The following ADAM19 variants were observed in gnomAD, a reference collection of about 807,000 sequenced individuals.
ADAM19 encodes the protein ADAM metallopeptidase domain 19.
A neutral mutation model predicts 114.7 loss-of-function variants in ADAM19; 65 were observed. The ratio of observed to expected loss-of-function variants is 0.57; its 90% CI spans 0.46 to 0.70. The LOEUF is 0.70. Among genes scored for constraint, ADAM19 ranks in the 30% least tolerant of loss-of-function variants. ADAM19 has a pLI of 0.00. For missense variants in ADAM19, 1,063 were observed against 1,204.7 expected, an observed-to-expected ratio of 0.88 and a Z score of 1.74; for synonymous variants, 466 against 460.5, an observed-to-expected ratio of 1.01 and a Z score of -0.15.
At chr5:157,528,626 C>G (rs1039289016) in intron 5 of ADAM19, among the ~76,000 whole-genome samples, 2 of 152,182 alleles carry the variant, frequency 1.3e-5, no homozygotes, top group Admixed American at 1.3e-4. Context: ...CCAGCCAACT[C>G]ACCATGCAGC....
chr5:157,546,280 C>T (rs17054709), intron 3 of ADAM19, among the ~76,000 whole-genome samples: 13,171 of 152,258 alleles, frequency 0.087, 727 homozygotes, highest in East Asian at 0.24. Context: ...GCTGTCTACA[C>T]AGTTATGGAG....
At chr5:157,547,294 G>C (rs1262529739) in intron 3 of ADAM19, among the ~76,000 whole-genome samples, 1 of 152,206 alleles carries the variant, frequency 6.6e-6, no homozygotes, top group Non-Finnish European at 1.5e-5. Flanking sequence ...TCCAGGGACA[G>C]ACACCACCAT....
intron 16 of ADAM19, 25 bp downstream of exon 16, chr5:157,492,948 T>C (rs758907205): frequency 1.2e-6 from 2 of 1,612,592 alleles, no homozygotes; most frequent in Non-Finnish European, 1.7e-6. Context: ...AGCTGGCTCC[T>C]AGGTGAGCAG....
At position 157,535,569 on chromosome 5, in the gene ADAM19, T is replaced by C. The variant is rs147090542; in HGVS notation, c.330+2344A>G. Among the ~76,000 whole-genome samples, 476 of 152,324 alleles carry C rather than the reference T, an allele frequency of 3.1e-3. 3 individuals are homozygous for C. Among genetic ancestry groups the C allele is most frequent in the African/African-American group, 0.011 (445 of 41,570 alleles). On this transcript the variant is annotated intron_variant, in intron 4 of 22. Transcript: ENST00000257527. ...AACAATGAGTTGTCCATCCCAAGGT[T>C]CAGCTAGGATGTGCTTCAGTCAACA...
At chr5:157,555,282 T>C (rs1415748712) in intron 3 of ADAM19, among the ~76,000 whole-genome samples, 2 of 152,148 alleles carry the variant, frequency 1.3e-5, no homozygotes, top group African/African-American at 4.8e-5. Context: ...CCCATATAAA[T>C]ACCACAGTAC....
At chr5:157,520,607 C>T (rs1475563214) in intron 5 of ADAM19, among the ~76,000 whole-genome samples, 1 of 152,164 alleles carries the variant, frequency 6.6e-6, no homozygotes, top group Non-Finnish European at 1.5e-5. Context: ...TCTCTCCAAG[C>T]GTCAGTTTCC....
At chr5:157,509,214 C>T in intron 9 of ADAM19, 87 bp downstream of exon 9, 5 of 1,393,914 alleles carry the variant, frequency 3.6e-6, no homozygotes, top group Non-Finnish European at 2.9e-6. Flanking sequence ...AACCAACACT[C>T]GCCATGGGGC....
Position 157,502,784 on chromosome 5 carries a change from C to CACCATTGT in ADAM19, c.1308+11_1308+18dup. ...ATGCAAATTCTTCCCCTCCCACTAG[C>CACCATTGT]ACCATTGTGACCCCTCACCTCTTCT... On this transcript the variant is annotated intron_variant, in intron 12 of 22. Transcript: ENST00000257527. 2 of 1,610,794 alleles carry CACCATTGT rather than the reference C, an allele frequency of 1.2e-6. No homozygotes were observed. Among genetic ancestry groups the CACCATTGT allele is most frequent in the Non-Finnish European group, 1.7e-6 (2 of 1,177,218 alleles).
At chr5:157,542,768 G>A (rs533500342) in intron 3 of ADAM19, among the ~76,000 whole-genome samples, 1 of 152,338 alleles carries the variant, frequency 6.6e-6, no homozygotes, top group Admixed American at 6.5e-5. Context: ...TTGCACCACT[G>A]CACTCCAGCC....
intron 18 of ADAM19, 66 bp from the exon 19 acceptor site, chr5:157,490,520 G>A: frequency 1.9e-6 from 3 of 1,556,624 alleles, no homozygotes; most frequent in Non-Finnish European, 2.6e-6. Flanking sequence ...TTTCAAAATA[G>A]GTATTCGTGC....
Position 157,514,326 on chromosome 5 carries a change from C to CTT in ADAM19, c.667-823_667-822dup, listed in dbSNP as rs200826711. ...AGACTGCATCGATTCAATCACATTT[C>CTT]TTTCTTTTTTTTTTTTTTTTGAGAC... On this transcript the variant is annotated intron_variant, in intron 7 of 22. Coordinates refer to ENST00000257527, the MANE Select transcript of ADAM19 (RefSeq NM_033274.5). 1.3e-3 allele frequency among the ~76,000 whole-genome samples: 185 copies of CTT among 141,692 alleles called. 5 individuals carry two copies. Among genetic ancestry groups the CTT allele is most frequent in the African/African-American group, 4.8e-3 (178 of 37,284 alleles). The allele number at this position is 141,692 out of a possible 152,430, so 93.0% of individuals were successfully genotyped here. A position where few individuals can be genotyped will look rare whatever the true frequency, so the allele number is the denominator to read the frequency against.
intron 1 of ADAM19, among the ~76,000 whole-genome samples, chr5:157,574,523 G>A (rs1376154813): frequency 6.6e-6 from 1 of 152,114 alleles, no homozygotes; most frequent in East Asian, 1.9e-4. Context: ...CTGGGTTTGA[G>A]GCGGCCCGGG....
In ADAM19 at chr5:157,554,887, A is replaced by C. The variant is rs1273054527; in HGVS notation, c.251+9486T>G. 2.6e-5 allele frequency among the ~76,000 whole-genome samples: 4 copies of C among 152,214 alleles called. No individual in the cohort carries two copies. The East Asian group carries it at 5.8e-4, about 22-fold the overall frequency. ...CAAAGCTTACACCTCCAGGTAGTGC[A>C]AGGAGCCAAGCTTGGGATGCACACC... is the stretch of plus-strand genomic sequence containing the variant. On this transcript the variant is annotated intron_variant, in intron 3 of 22. Coordinates refer to ENST00000257527, the MANE Select transcript of ADAM19 (RefSeq NM_033274.5).
chr5:157,548,373 A>C (rs1212432315), intron 3 of ADAM19, among the ~76,000 whole-genome samples: 2 of 152,232 alleles, frequency 1.3e-5, no homozygotes, highest in Non-Finnish European at 2.9e-5. Flanking sequence ...ACCAGGACCT[A>C]TCCCAGTGCC....
intron 5 of ADAM19, among the ~76,000 whole-genome samples, chr5:157,521,553 T>C (rs1394769301): frequency 6.6e-6 from 1 of 152,232 alleles, no homozygotes; most frequent in Non-Finnish European, 1.5e-5. Context: ...CGCCAGGCTC[T>C]GATGGGCAGC....
intron 9 of ADAM19, 137 bp downstream of exon 9, chr5:157,509,164 G>T (rs1385420736): frequency 2.4e-6 from 2 of 818,852 alleles, no homozygotes; most frequent in Middle Eastern, 3.6e-4. Context: ...TTTAGGAAAT[G>T]CCTGATTCTC....
chr5:157,537,210 G>C (rs1756792255), intron 4 of ADAM19, among the ~76,000 whole-genome samples: 1 of 152,184 alleles, frequency 6.6e-6, no homozygotes, highest in African/African-American at 2.4e-5. Context: ...TCAACGTTCT[G>C]AGCCTACAAA....
intron 3 of ADAM19, among the ~76,000 whole-genome samples, chr5:157,558,306 T>C (rs150403042): frequency 1.2e-4 from 18 of 152,356 alleles, no homozygotes; most frequent in Non-Finnish European, 2.4e-4. Context: ...CCTCAGCACC[T>C]GTCTCCCCGG....
chr5:157,489,448 C>G (rs1258198768), intron 19 of ADAM19, among the ~76,000 whole-genome samples: 1 of 152,186 alleles, frequency 6.6e-6, no homozygotes, highest in Admixed American at 6.5e-5. Context: ...TTTTAAGACC[C>G]TTCCCCTGTG....
Sources: allele counts gnomAD v4.1 joint callset (sites outside exome capture counted in the v4.1 genomes callset), GRCh38; gene constraint gnomAD v4.1.1; transcripts MANE v1.5; gene names NCBI Gene and HGNC (gene_info 2026-07-23, HGNC 2026-07-21).